Variants in PTPRN2 observed in about 807,000 individuals in gnomAD.
PTPRN2 encodes the protein protein tyrosine phosphatase receptor type N2.
In PTPRN2, 74 loss-of-function variants were observed where a neutral mutation model predicts 118.8. The ratio of observed to expected loss-of-function variants is 0.62; its 90% confidence interval spans 0.52 to 0.76. The LOEUF is 0.76. PTPRN2 is among the 30% of genes least tolerant of loss of function. PTPRN2 has a pLI of 0.00. For missense variants in PTPRN2, 1,481 were observed against 1,394.4 expected (o/e 1.06, Z -0.99); for synonymous variants, 641 against 608.0 (o/e 1.05, Z -0.80).
intron 11 of PTPRN2, among the ~76,000 whole-genome samples, chr7:157,965,502 A>T (rs541785076): frequency 1.3e-5 from 2 of 152,106 alleles, no homozygotes; most frequent in Non-Finnish European, 2.9e-5. Context: ...CAAAGTCAGC[A>T]CTAATAAAAA....
At chr7:158,031,814 G>A (rs918777360) in intron 11 of PTPRN2, among the ~76,000 whole-genome samples, 2 of 152,246 alleles carry the variant, frequency 1.3e-5, no homozygotes, top group African/African-American at 4.8e-5. Flanking sequence ...TAAAAAAGGT[G>A]GGCGGAAGTC....
chr7:157,866,003 C>T (rs1810641279), intron 12 of PTPRN2: 1 of 152,378 alleles, frequency 6.6e-6, no homozygotes, highest in African/African-American at 2.4e-5. Flanking sequence ...CGCTGCCGCG[C>T]AACCTCTGAC....
intron 12 of PTPRN2, among the ~76,000 whole-genome samples, chr7:157,853,838 G>T (rs960544908): frequency 6.6e-6 from 1 of 152,200 alleles, no homozygotes; most frequent in Non-Finnish European, 1.5e-5. Context: ...GGTCTTTGTG[G>T]AGGTAACTGG....
intron 2 of PTPRN2, among the ~76,000 whole-genome samples, chr7:158,488,764 C>T (rs1461846490): frequency 6.6e-6 from 1 of 152,258 alleles, no homozygotes; most frequent in Non-Finnish European, 1.5e-5. Context: ...GGATTAAATC[C>T]GCTCCTGCCC....
intron 2 of PTPRN2, among the ~76,000 whole-genome samples, chr7:158,447,107 T>G (rs1817776703): frequency 6.6e-6 from 1 of 152,068 alleles, no homozygotes; most frequent in Admixed American, 6.6e-5. Context: ...AGATTTAAAA[T>G]TTTTGCTCTG....
chr7:157,944,821 G>C lies in PTPRN2; in HGVS notation c.1724-46084C>G, dbSNP rs1166624664. Among the ~76,000 whole-genome samples, 1 of 152,194 alleles carries C rather than the reference G, an allele frequency of 6.6e-6. No homozygotes were observed. The highest frequency in any genetic ancestry group is 1.5e-5 in the Non-Finnish European group (1 of 68,040). ...TGGCCAGCTCTGCCCTTGCTCATCA[G>C]CTGGGAAGCAGCATGCTTCTTGGGG... On this transcript the variant is annotated intron_variant, in intron 11 of 22. Transcript: ENST00000389418. The surrounding 1 kb of genome is among the most constrained non-coding windows in gnomAD (Gnocchi z 4.3).
intron 11 of PTPRN2, among the ~76,000 whole-genome samples, chr7:158,075,377 T>C (rs545949918): frequency 2.0e-4 from 31 of 152,284 alleles, no homozygotes; most frequent in African/African-American, 7.2e-4. Context: ...TCCTGTCTGC[T>C]GGTCTCTCCG....
intron 12 of PTPRN2, among the ~76,000 whole-genome samples, chr7:157,722,487 G>T (rs1324392271): frequency 6.6e-6 from 1 of 152,224 alleles, no homozygotes; most frequent in Non-Finnish European, 1.5e-5. Flanking sequence ...GCTCCCGTGG[G>T]TGGTGCAGAC....
rs764262396 is a variant in PTPRN2 at position 157,544,120 on chromosome 7, TGGAGAGAGGC to T, written c.2977-3345_2977-3336del. Among the ~76,000 whole-genome samples the T allele has an allele frequency of 2.8e-3, 369 of 131,436 alleles. 1 individual carries two copies. Among genetic ancestry groups the T allele is most frequent in the Non-Finnish European group, 4.0e-3 (249 of 62,240 alleles). The allele number at this position is 131,436 out of a possible 152,430, so 86.2% of individuals were successfully genotyped here. ...AGAGGCGGAGAGAGGTGGAGAGAGA[TGGAGAGAGGC>T]GGAGAGAGGCGGAGAGAGACGGAGA... On this transcript the variant is annotated intron_variant, in intron 22 of 22. Transcript: ENST00000389418.
chr7:158,126,491 C>T (rs1817684207), intron 9 of PTPRN2, among the ~76,000 whole-genome samples: 1 of 56,776 alleles, frequency 1.8e-5, no homozygotes, highest in South Asian at 8.0e-4. Flanking sequence ...CACCAGCCCC[C>T]AGGACAGCGG....
At chr7:157,722,064 T>C (rs1166652369) in intron 12 of PTPRN2, among the ~76,000 whole-genome samples, 6 of 151,696 alleles carry the variant, frequency 4.0e-5, no homozygotes, top group East Asian at 1.9e-4. Context: ...CAAGAAACAT[T>C]GTCTGTATCT....
At chr7:158,149,622 G>T (rs1010732238) in intron 6 of PTPRN2, among the ~76,000 whole-genome samples, 4 of 152,054 alleles carry the variant, frequency 2.6e-5, no homozygotes, top group South Asian at 4.2e-4. Flanking sequence ...GGCCAACATG[G>T]TGGAAACCCC....
intron 14 of PTPRN2, among the ~76,000 whole-genome samples, chr7:157,640,243 G>T (rs1804592141): frequency 1.3e-5 from 2 of 152,132 alleles, no homozygotes; most frequent in Admixed American, 6.5e-5. Flanking sequence ...ATCTGAAAAA[G>T]AACAAAATAG....
At chr7:158,201,154 G>A (rs1826619289) in intron 4 of PTPRN2, among the ~76,000 whole-genome samples, 1 of 151,770 alleles carries the variant, frequency 6.6e-6, no homozygotes, top group Non-Finnish European at 1.5e-5. Flanking sequence ...GGGCTCAGGT[G>A]ATCCTCTCTC....
chr7:158,372,673 G>A (rs1483317750), intron 2 of PTPRN2, among the ~76,000 whole-genome samples: 6 of 152,102 alleles, frequency 3.9e-5, no homozygotes, highest in African/African-American at 7.2e-5. Flanking sequence ...TCTCCACCAC[G>A]CTGATCCCCA....
chr7:157,947,682 A>G (rs919840632), intron 11 of PTPRN2, among the ~76,000 whole-genome samples: 46 of 152,066 alleles, frequency 3.0e-4, no homozygotes, highest in African/African-American at 1.0e-3. Flanking sequence ...AAATTTGATG[A>G]AAGACATGAA....
chr7:158,053,940 T>C (rs1251614392), intron 11 of PTPRN2, among the ~76,000 whole-genome samples: 475 of 74,596 alleles, frequency 6.4e-3, no homozygotes, highest in Middle Eastern at 8.5e-3. Context: ...ACGCAGAGAC[T>C]CCAGAGATGC....
At chr7:157,720,510 G>A (rs1403380351) in intron 12 of PTPRN2, among the ~76,000 whole-genome samples, 1 of 152,218 alleles carries the variant, frequency 6.6e-6, no homozygotes, top group Non-Finnish European at 1.5e-5. Flanking sequence ...GTGATCCAGC[G>A]GCCGACCCTG....
At chr7:158,018,731 C>A (rs1031441476) in intron 11 of PTPRN2, among the ~76,000 whole-genome samples, 1 of 151,972 alleles carries the variant, frequency 6.6e-6, no homozygotes, top group Non-Finnish European at 1.5e-5. Flanking sequence ...GAGGCTGAGG[C>A]GGGAGGATCA....
Sources: gnomAD v4.1 joint callset for allele counts (sites outside exome capture counted in the v4.1 genomes callset) on GRCh38, gnomAD v4.1.1 for gene constraint, Gnocchi (gnomAD v3.1) non-coding constraint, MANE v1.5 for transcripts, NCBI Gene and HGNC (gene_info 2026-07-23, HGNC 2026-07-21) for gene names.